Variants in HAT1 observed in about 807,000 individuals in gnomAD.
HAT1 encodes the protein histone acetyltransferase type B catalytic subunit.
A neutral mutation model predicts 56.6 loss-of-function variants in HAT1; 20 were observed. The ratio of observed to expected loss-of-function variants is 0.35; its 90% CI spans 0.25 to 0.51. The LOEUF (loss-of-function observed/expected upper bound fraction) is 0.51, where lower values mean the gene tolerates loss of function less well. Among genes scored for constraint, HAT1 ranks in the 20% least tolerant of loss-of-function variants. HAT1 has a pLI of 0.95. For missense variants in HAT1, 408 were observed against 504.3 expected (o/e 0.81, Z 1.83); for synonymous variants, 146 against 165.5 (o/e 0.88, Z 0.91).
At chr2:171,956,852 T>G (rs180826776) in intron 4 of HAT1, among the ~76,000 whole-genome samples, 12 of 152,338 alleles carry the variant, frequency 7.9e-5, no homozygotes. Flanking sequence ...CTATCCAGAT[T>G]GTAGAAGACA....
chr2:171,963,113 T>C (rs1687611624), intron 4 of HAT1, among the ~76,000 whole-genome samples: 1 of 151,674 alleles, frequency 6.6e-6, no homozygotes, highest in African/African-American at 2.4e-5. Context: ...ATTTTCCCTT[T>C]AGTGAAGCGA....
At chr2:171,969,816 G>A (rs2105338458) in intron 8 of HAT1, among the ~76,000 whole-genome samples, 1 of 152,172 alleles carries the variant, frequency 6.6e-6, no homozygotes, top group East Asian at 1.9e-4. Context: ...ATTTTCCTAT[G>A]ATACCTATTT....
At chr2:171,961,005 TGTG>T (rs1351737699) in intron 4 of HAT1, among the ~76,000 whole-genome samples, 1 of 152,046 alleles carries the variant, frequency 6.6e-6, no homozygotes, top group Non-Finnish European at 1.5e-5. Context: ...AGCCAGGTGT[TGTG>T]GTGCGTGCTT....
intron 9 of HAT1, 145 bp from the exon 10 acceptor site, chr2:171,979,102 A>C (rs950070743): frequency 1.7e-6 from 1 of 596,580 alleles, no homozygotes; most frequent in Non-Finnish European, 3.0e-6. Flanking sequence ...AGACTGCTTG[A>C]GGGCAACTAC....
chr2:171,937,733 T>G (rs912159540), intron 2 of HAT1, among the ~76,000 whole-genome samples: 1 of 152,094 alleles, frequency 6.6e-6, no homozygotes, highest in Admixed American at 6.5e-5. Context: ...AACTCTGAAA[T>G]AGAAGTAGCA....
chr2:171,925,686 G>A (rs961090249), intron 2 of HAT1, 45 bp downstream of exon 2: 3 of 789,180 alleles, frequency 3.8e-6, no homozygotes, highest in African/African-American at 3.4e-5. Context: ...TACTGTGTGT[G>A]TATATATAAT....
chr2:171,970,094 A>G (rs1327390797), intron 8 of HAT1, among the ~76,000 whole-genome samples: 1 of 152,130 alleles, frequency 6.6e-6, no homozygotes, highest in Non-Finnish European at 1.5e-5. Context: ...CAGGAGGTCA[A>G]GGCTGCAGTG....
chr2:171,950,143 TTTAATG>T (rs1228064500), intron 3 of HAT1, among the ~76,000 whole-genome samples: 1 of 152,220 alleles, frequency 6.6e-6, no homozygotes, highest in Admixed American at 6.5e-5. Flanking sequence ...GACATATTTC[TTTAATG>T]TGTGGGGGTT....
intron 8 of HAT1, among the ~76,000 whole-genome samples, chr2:171,974,211 A>AAG (rs1553486294): frequency 7.6e-4 from 44 of 58,070 alleles, no homozygotes; most frequent in African/African-American, 2.7e-3. Flanking sequence ...GAAAAAGAAA[A>AAG]AAAAAAAAAG....
chr2:171,974,195 A>AAAAAAAG (rs1687899647), intron 8 of HAT1, among the ~76,000 whole-genome samples: 1 of 57,090 alleles, frequency 1.8e-5, no homozygotes, highest in African/African-American at 6.0e-5. Flanking sequence ...AAAAAAAAGA[A>AAAAAAAG]AAAAAGAAAA....
intron 4 of HAT1, among the ~76,000 whole-genome samples, chr2:171,954,490 A>T (rs1687392414): frequency 6.6e-6 from 1 of 152,198 alleles, no homozygotes; most frequent in African/African-American, 2.4e-5. Context: ...GTTTGAGACC[A>T]GCCTGGCCAA....
chr2:171,951,076 G>A (rs550619843), intron 3 of HAT1, among the ~76,000 whole-genome samples: 125 of 152,288 alleles, frequency 8.2e-4, no homozygotes, highest in African/African-American at 2.9e-3. Flanking sequence ...CTCCCGAAGT[G>A]CTGGGATTAC....
At chr2:171,954,480 G>T (rs1478999898) in intron 4 of HAT1, among the ~76,000 whole-genome samples, 1 of 152,190 alleles carries the variant, frequency 6.6e-6, no homozygotes, top group Non-Finnish European at 1.5e-5. Context: ...GAGGTCAGGA[G>T]TTTGAGACCA....
At chr2:171,966,365 G>T (rs373701935) in intron 6 of HAT1, 44 bp from the exon 7 acceptor site, 2 of 954,804 alleles carry the variant, frequency 2.1e-6, no homozygotes, top group Non-Finnish European at 3.5e-6. Flanking sequence ...CTGCATGGGA[G>T]CGCGACTGTA....
At chr2:171,943,164 G>A (rs1223369973) in intron 2 of HAT1, among the ~76,000 whole-genome samples, 2 of 151,584 alleles carry the variant, frequency 1.3e-5, no homozygotes, top group Non-Finnish European at 2.9e-5. Flanking sequence ...CACTTTGGGA[G>A]GCTGAGGCGG....
chr2:171,925,621 C>T lies in HAT1; in HGVS notation c.92C>T (p.Thr31Ile). The change falls in exon 2 of 11, where the codon ACA becomes ATA. Residue 31 changes from threonine (T) to isoleucine (I), a missense_variant. Transcript: ENST00000264108. The stretch of plus-strand genomic sequence containing the variant: ...GCAGAGTACAAATGTAACACCAACA[C>T]AGCAATTGAACTAAAATTAGGTATG... ...KLAEYKCNTNTAIELKLVRFP... is the reference protein window; with the variant it reads ...KLAEYKCNTNIAIELKLVRFP... 2.0e-6 allele frequency: 3 copies of T among 1,504,960 alleles called. No individual in the cohort carries two copies. The highest frequency in any genetic ancestry group is 2.3e-5 in the East Asian group (1 of 44,304). 93.2% of individuals were successfully genotyped at this position (1,504,960 alleles called of 1,614,324 possible).
chr2:171,953,626 TAAAAAAAAAAAAAAAAAAAAAAA>T (rs587686867), intron 4 of HAT1, among the ~76,000 whole-genome samples: 1 of 84,630 alleles, frequency 1.2e-5, no homozygotes, highest in East Asian at 6.5e-4. Context: ...CCCTGTCTCT[TAAAAAAAAAAAAAAAAAAAAAAA>T]AAAAAATTAA....
intron 4 of HAT1, among the ~76,000 whole-genome samples, chr2:171,955,162 A>G (rs1241598671): frequency 6.6e-6 from 1 of 152,246 alleles, no homozygotes; most frequent in African/African-American, 2.4e-5. Context: ...AAACGAATAC[A>G]GGTTTTCATA....
chr2:171,966,606 TA>T lies in HAT1; in HGVS notation c.716+103del, dbSNP rs112049112. On this transcript the variant is annotated intron_variant, in intron 7 of 10. Transcript: ENST00000264108. ...CTTGTTATAATAGTGTTGATTTGTT[TA>T]AAAAAAAAATCACTATTATTCATGG... 2.9e-3 allele frequency: 1,919 copies of T among 671,252 alleles called. 4 individuals are homozygous for T. Among genetic ancestry groups the T allele is most frequent in the African/African-American group, 9.2e-3 (498 of 54,112 alleles). 41.6% of individuals were successfully genotyped at this position (671,252 alleles called of 1,614,324 possible). A position where few individuals can be genotyped will look rare whatever the true frequency, so the allele number is the denominator to read the frequency against.
Sources: allele counts gnomAD v4.1 joint callset (sites outside exome capture counted in the v4.1 genomes callset), GRCh38; gene constraint gnomAD v4.1.1; transcripts MANE v1.5; gene names NCBI Gene and HGNC (gene_info 2026-07-23, HGNC 2026-07-21).